The following PLCL1 variants were observed in gnomAD, a reference collection of about 807,000 sequenced individuals.
The protein encoded by PLCL1 is inactive phospholipase C-like protein 1.
PLCL1 carries 41 observed loss-of-function variants against 84.4 expected under a neutral mutation model. The ratio of observed to expected loss-of-function variants is 0.49; its 90% CI spans 0.38 to 0.63. The LOEUF is 0.63. Ranked by LOEUF, PLCL1 falls within the 30% of genes least tolerant of loss-of-function variation. The pLI, the probability that PLCL1 is intolerant of heterozygous loss-of-function variation, is 0.00. For missense variants in PLCL1, 1,206 were observed against 1,367.8 expected (o/e 0.88, Z 1.87); for synonymous variants, 490 against 488.3 (o/e 1.00, Z -0.05).
chr2:197,859,630 T>C (rs1687392091), intron 1 of PLCL1, among the ~76,000 whole-genome samples: 1 of 152,108 alleles, frequency 6.6e-6, no homozygotes, highest in Non-Finnish European at 1.5e-5. Context: ...TCATGAGTTG[T>C]AGTGGTCATA....
intron 1 of PLCL1, among the ~76,000 whole-genome samples, chr2:198,046,593 T>A (rs1187092995): frequency 6.6e-6 from 1 of 152,052 alleles, no homozygotes; most frequent in African/African-American, 2.4e-5. Context: ...ATCCCAGCAG[T>A]TTGGGAGGCC....
intron 1 of PLCL1, among the ~76,000 whole-genome samples, chr2:197,923,624 A>C (rs1368880703): frequency 1.4e-5 from 2 of 145,044 alleles, no homozygotes; most frequent in Non-Finnish European, 3.0e-5. Context: ...GGCGCTCCTC[A>C]CTTCCTAGAT....
At chr2:198,096,373 CTT>C (rs1693193498) in intron 3 of PLCL1, among the ~76,000 whole-genome samples, 1 of 152,190 alleles carries the variant, frequency 6.6e-6, no homozygotes, top group Admixed American at 6.5e-5. Flanking sequence ...TATTATCTGA[CTT>C]TATATACTTT....
At chr2:198,073,709 C>A (rs925381098) in intron 1 of PLCL1, among the ~76,000 whole-genome samples, 5 of 152,098 alleles carry the variant, frequency 3.3e-5, no homozygotes, top group Admixed American at 2.6e-4. Context: ...GGGTTTGTTG[C>A]AAAAGAAAGA....
intron 1 of PLCL1, among the ~76,000 whole-genome samples, chr2:197,966,560 G>A (rs1689741041): frequency 6.6e-6 from 1 of 152,092 alleles, no homozygotes; most frequent in African/African-American, 2.4e-5. Context: ...CAATCACTGT[G>A]CTCTCCCTTC....
chr2:197,998,254 A>G (rs917717014), intron 1 of PLCL1, among the ~76,000 whole-genome samples: 3 of 134,320 alleles, frequency 2.2e-5, no homozygotes, highest in Non-Finnish European at 3.3e-5. Flanking sequence ...GCATGTGTGT[A>G]TGTGTATGTG....
At chr2:198,123,805 G>A (rs1009396005) in intron 5 of PLCL1, among the ~76,000 whole-genome samples, 1 of 152,014 alleles carries the variant, frequency 6.6e-6, no homozygotes, top group Non-Finnish European at 1.5e-5. Context: ...GTGCATGTGA[G>A]GAATCTAGGT....
intron 1 of PLCL1, among the ~76,000 whole-genome samples, chr2:198,020,448 G>T (rs781695037): frequency 5.3e-5 from 8 of 151,946 alleles, no homozygotes; most frequent in Non-Finnish European, 1.0e-4. Context: ...CTGGCAAATT[G>T]GATAAAGACT....
At chr2:198,000,662 G>A (rs1397567843) in intron 1 of PLCL1, among the ~76,000 whole-genome samples, 2 of 151,916 alleles carry the variant, frequency 1.3e-5, no homozygotes, top group African/African-American at 4.8e-5. Context: ...GCAAACTGGT[G>A]TTCACAGGGG....
chr2:197,985,560 T>C (rs1690203763), intron 1 of PLCL1, among the ~76,000 whole-genome samples: 1 of 152,196 alleles, frequency 6.6e-6, no homozygotes, highest in Admixed American at 6.5e-5. Context: ...TTACCCTGAT[T>C]TGAGAAACAT....
intron 5 of PLCL1, among the ~76,000 whole-genome samples, chr2:198,113,432 G>A (rs1177117714): frequency 6.6e-6 from 1 of 151,900 alleles, no homozygotes; most frequent in Non-Finnish European, 1.5e-5. Context: ...TGGTCTCAGA[G>A]CTGACAGTCT....
chr2:198,007,713 A>G (rs1466225572), intron 1 of PLCL1, among the ~76,000 whole-genome samples: 1 of 152,200 alleles, frequency 6.6e-6, no homozygotes, highest in East Asian at 1.9e-4. Context: ...ACTTGGATAT[A>G]GTCAGGTCTG....
At position 197,851,984 on chromosome 2, in the gene PLCL1, T is replaced by A. The variant is rs566996028; in HGVS notation, c.240+46645T>A. ...TAGTAAAAGGTCAATGTAGAACAAT[T>A]TCCAAATAGCTCTCCTCTCATATAT... On this transcript the variant is annotated intron_variant, in intron 1 of 5. Transcript: ENST00000428675. Among the ~76,000 whole-genome samples, 3 of 152,340 alleles carry A rather than the reference T, an allele frequency of 2.0e-5. No individual in the cohort carries two copies. In the East Asian group the frequency reaches 5.8e-4, roughly 29 times the overall value.
chr2:198,062,033 C>T (rs1228867249), intron 1 of PLCL1, among the ~76,000 whole-genome samples: 3 of 152,156 alleles, frequency 2.0e-5, no homozygotes, highest in African/African-American at 4.8e-5. Flanking sequence ...TGACGGCTCC[C>T]TTCCTCTTCA....
Position 198,149,180 on chromosome 2 carries a change from A to G in PLCL1, c.*2218A>G, listed in dbSNP as rs1470532334. 6.6e-6 allele frequency: 1 copy of G among 151,252 alleles called. No homozygotes were observed. The highest frequency in any genetic ancestry group is 1.5e-5 in the Non-Finnish European group (1 of 68,012). 9.4% of individuals were successfully genotyped at this position (151,252 alleles called of 1,614,324 possible). ...CCTCCAGATAGAATAGCAAAAACAAACAATTTTTTTTTGTGTATTATGCCT... is the reference window on the plus strand; with the variant it reads ...CCTCCAGATAGAATAGCAAAAACAAGCAATTTTTTTTTGTGTATTATGCCT... On this transcript the variant is annotated 3_prime_UTR_variant, in exon 6 of 6. Transcript: ENST00000428675.
intron 1 of PLCL1, among the ~76,000 whole-genome samples, chr2:198,061,529 A>G (rs567784338): frequency 5.1e-4 from 78 of 152,240 alleles, no homozygotes; most frequent in African/African-American, 1.9e-3. Context: ...TCATTGGTAT[A>G]TGATCTGGGA....
At chr2:198,070,031 T>A (rs1692424570) in intron 1 of PLCL1, among the ~76,000 whole-genome samples, 1 of 152,172 alleles carries the variant, frequency 6.6e-6, no homozygotes, top group African/African-American at 2.4e-5. Flanking sequence ...AAATTTGTAG[T>A]TACATATCTA....
intron 1 of PLCL1, among the ~76,000 whole-genome samples, chr2:197,999,921 G>A (rs879741520): frequency 1.3e-5 from 2 of 152,146 alleles, no homozygotes; most frequent in Admixed American, 6.5e-5. Context: ...TCCGTAGGTA[G>A]TGCAGTCACA....
At chr2:197,960,633 T>A (rs1436420403) in intron 1 of PLCL1, among the ~76,000 whole-genome samples, 1 of 152,012 alleles carries the variant, frequency 6.6e-6, no homozygotes, top group Non-Finnish European at 1.5e-5. Flanking sequence ...AAGGGAAAAG[T>A]GTACAATAAT....
Sources: allele counts gnomAD v4.1 joint callset (sites outside exome capture counted in the v4.1 genomes callset), GRCh38; gene constraint gnomAD v4.1.1; transcripts MANE v1.5; gene names NCBI Gene and HGNC (gene_info 2026-07-23, HGNC 2026-07-21).